Variants in AHRR observed in about 807,000 individuals in gnomAD.
The protein encoded by AHRR is aryl hydrocarbon receptor repressor, also known as ahR repressor.
Under a neutral mutation model 44.0 loss-of-function variants are expected in AHRR, and 28 were observed. That is an observed-to-expected ratio of 0.64 (90% CI 0.47 to 0.87). AHRR has a LOEUF of 0.87. Among genes scored for constraint, AHRR ranks in the 40% least tolerant of loss-of-function variants. The pLI, the probability that AHRR is intolerant of heterozygous loss-of-function variation, is 0.00. For missense variants in AHRR, 990 were observed against 953.9 expected (o/e 1.04, Z -0.50); for synonymous variants, 434 against 407.0 (o/e 1.07, Z -0.80).
rs2126556695 is a variant in AHRR, at chr5:435,728, C to T, written c.*894C>T. 6.6e-6 allele frequency: 1 copy of T among 152,308 alleles called. No homozygotes were observed. The highest frequency in any genetic ancestry group is 3.4e-3 in the Middle Eastern group (1 of 292). 9.4% of individuals were successfully genotyped at this position (152,308 alleles called of 1,614,324 possible). A position where few individuals can be genotyped will look rare whatever the true frequency, so the allele number is the denominator to read the frequency against. On this transcript the variant is annotated 3_prime_UTR_variant, in exon 11 of 11. Coordinates refer to ENST00000684583, the MANE Select transcript of AHRR (RefSeq NM_001377236.1). ...GAGAAGACACAGGAAACTGCGCTGC[C>T]TGTGGGGGTTTCTCTCTGGCTGGCT...
intron 4 of AHRR, among the ~76,000 whole-genome samples, chr5:390,388 GGATCCTCGGAGACCAGT>G (rs1734361147): frequency 6.6e-6 from 1 of 152,186 alleles, no homozygotes; most frequent in South Asian, 2.1e-4. Context: ...GCTGTCATCA[GGATCCTCGGAGACCAGT>G]GAAAGCACCG....
In AHRR at chr5:380,806, T is replaced by C. The variant is rs191019290; in HGVS notation, c.351+4090T>C. On this transcript the variant is annotated intron_variant, in intron 4 of 10. Coordinates refer to ENST00000684583, the MANE Select transcript of AHRR (RefSeq NM_001377236.1). ...CCAATAGGTTATATGTGAGGAGCCT[T>C]ATTAGAGGAATTGGCTTACATGATC... Among the ~76,000 whole-genome samples, 27 of 152,266 alleles carry C rather than the reference T, an allele frequency of 1.8e-4. No individual in the cohort carries two copies. In the East Asian group the frequency reaches 5.2e-3, roughly 29 times the overall value.
chr5:355,054 A>G (rs767078720), intron 3 of AHRR, among the ~76,000 whole-genome samples: 8 of 152,260 alleles, frequency 5.3e-5, no homozygotes, highest in Non-Finnish European at 1.2e-4. Flanking sequence ...TGGTGAGGTC[A>G]CAGCAAGTTT....
At position 422,857 on chromosome 5, in the gene AHRR, AG is replaced by A; in HGVS notation, c.571+1del. 10 of 1,609,802 alleles carry A rather than the reference AG, an allele frequency of 6.2e-6. No individual in the cohort carries two copies. Among genetic ancestry groups the A allele is most frequent in the Non-Finnish European group, 8.5e-6 (10 of 1,177,444 alleles). On this transcript the variant is annotated frameshift_variant and splice_region_variant, in exon 6 of 11. Transcript: ENST00000684583. ...TTGGGCAGCCCCCGCCCTTGGAGAC[AG>A]GTGGGTGTCTGGGGTCCAAGTGAGT... is the stretch of plus-strand genomic sequence containing the variant. ...VFGQPPPLETGDDAILGRLLR... is the reference protein window; with the variant it reads ...VFGQPPPLETXDDAILGRLLR...
At chr5:377,765 G>A (rs1244406505) in intron 4 of AHRR, among the ~76,000 whole-genome samples, 1 of 152,262 alleles carries the variant, frequency 6.6e-6, no homozygotes. Flanking sequence ...CCTGCGGGAG[G>A]GAGGCCTGGG....
Position 353,796 on chromosome 5 carries a change from G to A in AHRR, c.129G>A (p.Glu43=), listed in dbSNP as rs537540278. 3 of 1,613,884 alleles carry A rather than the reference G, an allele frequency of 1.9e-6. No individual in the cohort carries two copies. Among genetic ancestry groups the A allele is most frequent in the East Asian group, 4.5e-5 (2 of 44,874 alleles). The change falls in exon 3 of 11, where the codon GAG becomes GAA. Residue 43 remains glutamate, a synonymous_variant. Coordinates refer to ENST00000684583, the MANE Select transcript of AHRR (RefSeq NM_001377236.1). Reference sequence around the variant, plus strand: ...GACACCGGGACCGCCTCAACGCCGAGTTGGACCACCTGGCCAGCCTGCTGC... The same window carrying A: ...GACACCGGGACCGCCTCAACGCCGAATTGGACCACCTGGCCAGCCTGCTGC... ...SKRHRDRLNA[E]LDHLASLLPF...
intron 2 of AHRR, among the ~76,000 whole-genome samples, chr5:349,422 A>G (rs1742785895): frequency 6.6e-6 from 1 of 151,248 alleles, no homozygotes; most frequent in Admixed American, 6.6e-5. Context: ...CTAAAAATAC[A>G]AAAAAAAATT....
intron 5 of AHRR, among the ~76,000 whole-genome samples, chr5:421,789 G>T (rs999021307): frequency 6.6e-6 from 1 of 152,192 alleles, no homozygotes; most frequent in Non-Finnish European, 1.5e-5. Context: ...GGGGAGCCCC[G>T]CAGGTCCTTG....
chr5:360,853 T>A (rs1743154502), intron 3 of AHRR, among the ~76,000 whole-genome samples: 1 of 152,144 alleles, frequency 6.6e-6, no homozygotes, highest in South Asian at 2.1e-4. Flanking sequence ...CCTTACTGCT[T>A]ATAGTGAAAC....
intron 2 of AHRR, among the ~76,000 whole-genome samples, chr5:344,283 C>T (rs1219996502): frequency 6.6e-6 from 1 of 150,906 alleles, no homozygotes; most frequent in Non-Finnish European, 1.5e-5. Flanking sequence ...GGCGGGGCCA[C>T]GGCAGCTTCC....
chr5:376,551 A>AGAACCGTGGGGTGAACGCGGGGAAACAC (rs1733684393), intron 3 of AHRR, 59 bp from the exon 4 acceptor site: 54 of 1,403,558 alleles, frequency 3.8e-5, no homozygotes, highest in South Asian at 1.1e-4. Flanking sequence ...GATGTGAATG[A>AGAACCGTGGGGTGAACGCGGGGAAACAC]AGAAGAGTGG....
intron 10 of AHRR, 27 bp from the exon 11 acceptor site, chr5:433,826 C>A: frequency 6.8e-7 from 1 of 1,477,178 alleles, no homozygotes; most frequent in South Asian, 1.4e-5. Context: ...CAGCTGCTGT[C>A]AAATGGGCCC....
Position 395,683 on chromosome 5 carries a change from A to T in AHRR, c.352-17661A>T, listed in dbSNP as rs1579662633. Among the ~76,000 whole-genome samples, 1 of 152,228 alleles carries T rather than the reference A, an allele frequency of 6.6e-6. No individual in the cohort carries two copies. The highest frequency in any genetic ancestry group is 1.5e-5 in the Non-Finnish European group (1 of 68,030). On this transcript the variant is annotated intron_variant, in intron 4 of 10. Coordinates refer to ENST00000684583, the MANE Select transcript of AHRR (RefSeq NM_001377236.1). The surrounding 1 kb of genome is among the most constrained non-coding windows in gnomAD (Gnocchi z 5.3). ...TGGTGTGGTTTCTGGAAAATTCCTG[A>T]GAAGTCCCCAGGAACCAAAGTGTCC...
intron 3 of AHRR, among the ~76,000 whole-genome samples, chr5:368,936 C>T (rs1255901855): frequency 6.6e-5 from 10 of 152,178 alleles, no homozygotes; most frequent in Non-Finnish European, 4.4e-5. Context: ...ATAGGAAATT[C>T]AGCAACTTGA....
chr5:413,993 G>A (rs960568138), intron 5 of AHRR, among the ~76,000 whole-genome samples: 4 of 152,212 alleles, frequency 2.6e-5, no homozygotes, highest in Admixed American at 6.5e-5. Context: ...AGCCGGGCGC[G>A]GTGGCTCACG....
chr5:420,833 C>CCACGCAGCACGCCCAGACCCACG (rs1560919311), intron 5 of AHRR: 8 of 170,090 alleles, frequency 4.7e-5, no homozygotes, highest in East Asian at 2.2e-4. Context: ...AGCCACCCAC[C>CCACGCAGCACGCCCAGACCCACG]CACGCAGCAC....
intron 4 of AHRR, among the ~76,000 whole-genome samples, chr5:399,696 C>T (rs957029624): frequency 6.6e-6 from 1 of 152,232 alleles, no homozygotes; most frequent in Non-Finnish European, 1.5e-5. Flanking sequence ...GCTGGTCTCT[C>T]AGCCAGAAGG....
At position 404,172 on chromosome 5, in the gene AHRR, T is replaced by C; in HGVS notation, c.352-9172T>C. 1.9e-6 allele frequency: 1 copy of C among 532,786 alleles called. No homozygotes were observed. The highest frequency in any genetic ancestry group is 3.6e-6 in the Non-Finnish European group (1 of 277,148). 33.0% of individuals were successfully genotyped at this position (532,786 alleles called of 1,614,324 possible). Reference sequence around the variant, plus strand: ...GCCGTTCCTGGTGGGTCTGCATTCCTGTCACGAGCTGGTCTTCTGCAGCCT... The same window carrying C: ...GCCGTTCCTGGTGGGTCTGCATTCCCGTCACGAGCTGGTCTTCTGCAGCCT... On this transcript the variant is annotated intron_variant, in intron 4 of 10. Transcript: ENST00000684583. The surrounding 1 kb of genome is among the most constrained non-coding windows in gnomAD (Gnocchi z 4.1).
intron 2 of AHRR, among the ~76,000 whole-genome samples, chr5:353,408 C>T (rs1255466424): frequency 1.3e-5 from 2 of 152,152 alleles, no homozygotes; most frequent in African/African-American, 4.8e-5. Context: ...CTCAGGGATC[C>T]GTAGTGGAGA....
Sources: gnomAD v4.1 joint callset for allele counts (sites outside exome capture counted in the v4.1 genomes callset) on GRCh38, gnomAD v4.1.1 for gene constraint, Gnocchi (gnomAD v3.1) non-coding constraint, MANE v1.5 for transcripts, NCBI Gene and HGNC (gene_info 2026-07-23, HGNC 2026-07-21) for gene names.